The following ZNF14 variants were observed in gnomAD, a reference collection of about 807,000 sequenced individuals.
ZNF14 encodes gonadotropin inducible transcription repressor-4.
Under a neutral mutation model 11.3 loss-of-function variants are expected in ZNF14, and 9 were observed. The observed-to-expected ratio is 0.80, with a 90% CI of 0.48 to 1.39. ZNF14 has a LOEUF of 1.39. Ranked by LOEUF, ZNF14 falls within the 40% of genes most tolerant of loss-of-function variation. The pLI is 0.00. For synonymous variants in ZNF14, 239 were observed against 245.7 expected (o/e 0.97, Z 0.25); for missense variants, 711 against 763.9 (o/e 0.93, Z 0.82).
chr19:19,733,059 A>T lies in ZNF14; in HGVS notation c.-101T>A. On this transcript the variant is annotated 5_prime_UTR_variant, in exon 1 of 4. It removes the in-frame stop codon of an upstream open reading frame in the 5' UTR. Coordinates refer to ENST00000344099, the MANE Select transcript of ZNF14 (RefSeq NM_021030.3). ...TGCGCTAGAGCCACCTTCGGCCTTC[A>T]GGAGCAGGTGAAACGCAATCTTCCC... is the stretch of plus-strand genomic sequence containing the variant. 1.4e-6 allele frequency: 2 copies of T among 1,478,668 alleles called. No homozygotes were observed. Among genetic ancestry groups the T allele is most frequent in the East Asian group, 4.9e-5 (2 of 40,952 alleles). 91.6% of individuals were successfully genotyped at this position (1,478,668 alleles called of 1,614,324 possible). A position where few individuals can be genotyped will look rare whatever the true frequency, so the allele number is the denominator to read the frequency against.
At chr19:19,724,191 T>A (rs1416151553) in intron 1 of ZNF14, among the ~76,000 whole-genome samples, 1 of 132,874 alleles carries the variant, frequency 7.5e-6, no homozygotes, top group East Asian at 2.1e-4. Context: ...CAATTTTAGA[T>A]CTTTCCTGCT....
chr19:19,730,085 T>C (rs2062418914), intron 1 of ZNF14, among the ~76,000 whole-genome samples: 1 of 152,176 alleles, frequency 6.6e-6, no homozygotes, highest in Non-Finnish European at 1.5e-5. Context: ...TGCAGTGGCA[T>C]TAGCTCACTG....
intron 3 of ZNF14, 41 bp downstream of exon 3, chr19:19,714,050 A>G: frequency 6.3e-7 from 1 of 1,575,076 alleles, no homozygotes; most frequent in Admixed American, 1.8e-5. Flanking sequence ...TTCTTTTGAA[A>G]TTCCCCCACG....
At position 19,712,172 on chromosome 19, in the gene ZNF14, T is replaced by C. The variant is rs1045592955; in HGVS notation, c.1109A>G (p.Lys370Arg). The C allele has an allele frequency of 2.5e-6, 4 of 1,613,978 alleles. No homozygotes were observed. The highest frequency in any genetic ancestry group is 2.7e-5 in the African/African-American group (2 of 74,942). Residue 370 changes from lysine (K) to arginine (R), a missense_variant, in exon 4 of 4, where the codon AAA becomes AGA. Lys to Arg is a conservative substitution (Grantham distance 26). Transcript: ENST00000344099. ...EKPYECKRCG[K>R]SFSWSISLRL... Reference sequence around the variant, plus strand: ...AAGAGAAATGGACCAACTGAATGATTTGCCACATCGTTTACATTCATATGG... The same window carrying C: ...AAGAGAAATGGACCAACTGAATGATCTGCCACATCGTTTACATTCATATGG...
At chr19:19,718,480 C>A (rs2062383582) in intron 1 of ZNF14, among the ~76,000 whole-genome samples, 1 of 151,932 alleles carries the variant, frequency 6.6e-6, no homozygotes, top group Admixed American at 6.6e-5. Context: ...TCAGAAGATC[C>A]AAAAACTGTC....
chr19:19,721,264 TCTTA>T (rs2062392856), intron 1 of ZNF14, among the ~76,000 whole-genome samples: 1 of 152,114 alleles, frequency 6.6e-6, no homozygotes, highest in Non-Finnish European at 1.5e-5. Flanking sequence ...CCCTTCCTAC[TCTTA>T]CTTTAATCAA....
At chr19:19,731,066 A>T (rs1306698053) in intron 1 of ZNF14, among the ~76,000 whole-genome samples, 1 of 152,226 alleles carries the variant, frequency 6.6e-6, no homozygotes, top group Non-Finnish European at 1.5e-5. Context: ...TACTTGAATT[A>T]AGATGAGGAG....
chr19:19,713,023 C>G lies in ZNF14; in HGVS notation c.258G>C (p.Gln86His). 2 of 1,614,074 alleles carry G rather than the reference C, an allele frequency of 1.2e-6. No individual in the cohort carries two copies. The highest frequency in any genetic ancestry group is 1.1e-5 in the South Asian group (1 of 91,042). Residue 86 changes from glutamine to histidine, a missense_variant, in exon 4 of 4, where the codon CAG (glutamine) becomes CAC (histidine). Transcript: ENST00000344099. ...CCTTGTTGATATTAACATTTGGCAT[C>G]TGGCTAGTGGTTTCTCCACATTTGC... is the stretch of plus-strand genomic sequence containing the variant. ...RGSKCGETTS[Q>H]MPNVNINKET...
Position 19,712,475 on chromosome 19 carries a change from T to G in ZNF14, c.806A>C (p.His269Pro). ...TTTTTCTCCAGTGTGAGTTCTTTCA[T>G]GAGTTCGAAAGTATGTGGGACAACT... ...AFSCPTYFRT[H>P]ERTHTGEKPY... Residue 269 changes from histidine (H) to proline (P), a missense_variant, in exon 4 of 4, where the codon CAT (histidine) becomes CCT (proline). By Grantham distance (77) the His-to-Pro change is moderately conservative (BLOSUM62 -2). Transcript: ENST00000344099. 1 of 1,559,560 alleles carries G rather than the reference T, an allele frequency of 6.4e-7. No individual in the cohort carries two copies. Among genetic ancestry groups the G allele is most frequent in the Non-Finnish European group, 8.8e-7 (1 of 1,142,646 alleles).
Position 19,711,571 on chromosome 19 carries a change from A to C in ZNF14, c.1710T>G (p.Ser570=). Residue 570 remains serine (S), a synonymous_variant, in exon 4 of 4, where the codon TCT becomes TCG. Coordinates refer to ENST00000344099, the MANE Select transcript of ZNF14 (RefSeq NM_021030.3). ...TCTCATGCATTCGAAATTTACTGGA[A>C]GAAATGAAGGCTTTTCCACATTGTT... The part of the protein sequence containing the change: ...QCKQCGKAFI[S]SSKFRMHERT... The C allele has an allele frequency of 6.2e-7, 1 of 1,613,690 alleles. No individual in the cohort carries two copies. Among genetic ancestry groups the C allele is most frequent in the Non-Finnish European group, 8.5e-7 (1 of 1,179,798 alleles).
Position 19,723,837 on chromosome 19 carries a change from C to A in ZNF14, c.3+9119G>T, listed in dbSNP as rs1352511637. ...GAGGGTGTATGTCCAGGAATTTATC[C>A]ATTTCTTCTAGATTTTCTAGTTTAT... On this transcript the variant is annotated intron_variant, in intron 1 of 3. Transcript: ENST00000344099. 5.2e-5 allele frequency among the ~76,000 whole-genome samples: 7 copies of A among 133,568 alleles called. 3 individuals carry two copies. Among genetic ancestry groups the A allele is most frequent in the African/African-American group, 1.9e-4 (7 of 36,086 alleles). 87.6% of individuals were successfully genotyped at this position (133,568 alleles called of 152,430 possible). A position where few individuals can be genotyped will look rare whatever the true frequency, so the allele number is the denominator to read the frequency against.
At chr19:19,722,982 T>C (rs1233564001) in intron 1 of ZNF14, among the ~76,000 whole-genome samples, 1 of 152,214 alleles carries the variant, frequency 6.6e-6, no homozygotes, top group Non-Finnish European at 1.5e-5. Flanking sequence ...TAAGGAGATT[T>C]TGGGCTGAGA....
rs374958382 is a variant in ZNF14, at chr19:19,711,607, C to A, written c.1674G>T (p.Pro558=). The A allele has an allele frequency of 6.2e-7, 1 of 1,613,436 alleles. No homozygotes were observed. Among genetic ancestry groups the A allele is most frequent in the South Asian group, 1.1e-5 (1 of 91,046 alleles). ...LHERTHTGEK[P]YQCKQCGKAF... is the part of the protein sequence containing the mutation. The stretch of plus-strand genomic sequence containing the variant: ...CTTTTCCACATTGTTTACATTGATA[C>A]GGTTTCTCTCCAGTGTGAGTCCTTT... Residue 558 remains proline, a synonymous_variant, in exon 4 of 4, where the codon CCG becomes CCT. Transcript: ENST00000344099.
chr19:19,724,962 AGCCTATGTG>A (rs2062403008), intron 1 of ZNF14, among the ~76,000 whole-genome samples: 1 of 132,406 alleles, frequency 7.6e-6, no homozygotes, highest in African/African-American at 2.8e-5. Flanking sequence ...CTTTATCTTG[AGCCTATGTG>A]TGTCTCTGCA....
At chr19:19,730,543 G>T (rs2062420084) in intron 1 of ZNF14, among the ~76,000 whole-genome samples, 1 of 152,148 alleles carries the variant, frequency 6.6e-6, no homozygotes, top group Admixed American at 6.5e-5. Context: ...TAATAAACTT[G>T]ACGGTGAAAG....
chr19:19,718,912 G>A (rs1445968649), intron 1 of ZNF14, among the ~76,000 whole-genome samples: 1 of 152,010 alleles, frequency 6.6e-6, no homozygotes, highest in African/African-American at 2.4e-5. Context: ...TTACAGGTAC[G>A]CACCACCATG....
rs2062355475 is a variant in ZNF14, at chr19:19,710,501, T to C, written c.*851A>G. On this transcript the variant is annotated 3_prime_UTR_variant, in exon 4 of 4. Coordinates refer to ENST00000344099, the MANE Select transcript of ZNF14 (RefSeq NM_021030.3). ...ATTGTAAAATTTTATTACTGGGCTG[T>C]TTACATGATACTTTCTTTCTTATTA... 6.6e-6 allele frequency: 1 copy of C among 152,244 alleles called. No homozygotes were observed. The highest frequency in any genetic ancestry group is 2.4e-5 in the African/African-American group (1 of 41,472). The allele number at this position is 152,244 out of a possible 1,614,324, so 9.4% of individuals were successfully genotyped here. A position where few individuals can be genotyped will look rare whatever the true frequency, so the allele number is the denominator to read the frequency against.
intron 1 of ZNF14, among the ~76,000 whole-genome samples, chr19:19,721,962 CAA>C (rs36021998): frequency 7.7e-4 from 82 of 107,106 alleles, no homozygotes; most frequent in Non-Finnish European, 6.6e-4. Context: ...GACTCAGTCT[CAA>C]AAAAAAAAAA....
rs1016367326 is a variant in ZNF14 at position 19,711,355 on chromosome 19, G to T, written c.1926C>A (p.Val642=). The part of the protein sequence containing the change: ...LHERTHMGEK[V] Reference sequence around the variant, plus strand: ...CTTCAGAATGTTGCTTATATTCTTAGACTTTCTCTCCCATATGAGTCCTTT... The same window carrying T: ...CTTCAGAATGTTGCTTATATTCTTATACTTTCTCTCCCATATGAGTCCTTT... The change falls in exon 4 of 4, where the codon GTC becomes GTA. Residue 642 remains valine (V), a synonymous_variant. Coordinates refer to ENST00000344099, the MANE Select transcript of ZNF14 (RefSeq NM_021030.3). The T allele has an allele frequency of 6.5e-7, 1 of 1,541,644 alleles. No individual in the cohort carries two copies. Among genetic ancestry groups the T allele is most frequent in the Non-Finnish European group, 8.7e-7 (1 of 1,150,016 alleles).
Sources: gnomAD v4.1 joint callset for allele counts (sites outside exome capture counted in the v4.1 genomes callset) on GRCh38, gnomAD v4.1.1 for gene constraint, MANE v1.5 for transcripts, NCBI Gene and HGNC (gene_info 2026-07-23, HGNC 2026-07-21) for gene names.